Variants in TMEM117 observed in about 807,000 individuals in gnomAD.
The protein encoded by TMEM117 is transmembrane protein 117.
A neutral mutation model predicts 52.4 loss-of-function variants in TMEM117; 27 were observed. The ratio of observed to expected loss-of-function variants is 0.51; its 90% CI spans 0.38 to 0.71. The LOEUF (loss-of-function observed/expected upper bound fraction) is 0.71, where lower values mean the gene tolerates loss of function less well. Among genes scored for constraint, TMEM117 ranks in the 30% least tolerant of loss-of-function variants. The probability of loss-of-function intolerance (pLI) is 0.00; values close to 1 mark genes in which losing one functional copy is unlikely to be tolerated. For synonymous variants in TMEM117, 215 were observed against 206.3 expected, an observed-to-expected ratio of 1.04 and a Z score of -0.36; for missense variants, 556 against 630.5, an observed-to-expected ratio of 0.88 and a Z score of 1.26.
chr12:43,813,231 GTTTTTTTT>G, the TMEM117 span, among the ~76,000 whole-genome samples: 357 of 62,656 alleles, frequency 5.7e-3, 4 homozygotes, highest in African/African-American at 0.019. Context: ...GTTTTCTCTT[GTTTTTTTT>G]TTTTTTTTTT....
At chr12:43,830,189 T>C in the TMEM117 span, among the ~76,000 whole-genome samples, 5 of 151,944 alleles carry the variant, frequency 3.3e-5, no homozygotes, top group African/African-American at 1.2e-4. Flanking sequence ...TGCATTTATA[T>C]AGATTCTGCA....
At chr12:43,946,393 TTG>T (rs563184794) in intron 3 of TMEM117, among the ~76,000 whole-genome samples, 1 of 11,796 alleles carries the variant, frequency 8.5e-5, no homozygotes, top group Non-Finnish European at 3.3e-4. Flanking sequence ...TTTTTTTTTT[TTG>T]TTTGTTTTTT....
intron 2 of TMEM117, among the ~76,000 whole-genome samples, chr12:43,863,077 C>T (rs754920864): frequency 1.6e-4 from 24 of 152,096 alleles, no homozygotes; most frequent in African/African-American, 4.8e-5. Flanking sequence ...GAAACCCTGT[C>T]TCTACTGAAA....
Position 43,995,929 on chromosome 12 carries a change from A to T in TMEM117, c.410+51587A>T, listed in dbSNP as rs184511207. ...CTCATATATTCTCTGGACAACTTTC[A>T]CAATTACTGTAGAAGTCACAAGAAA... On this transcript the variant is annotated intron_variant, in intron 3 of 7. Transcript: ENST00000266534. Among the ~76,000 whole-genome samples, 3 of 152,360 alleles carry T rather than the reference A, an allele frequency of 2.0e-5. No individual in the cohort carries two copies. The East Asian group carries it at 5.8e-4, about 29-fold the overall frequency.
At chr12:44,190,054 T>C (rs1049898253) in intron 4 of TMEM117, among the ~76,000 whole-genome samples, 5 of 152,172 alleles carry the variant, frequency 3.3e-5, no homozygotes, top group Admixed American at 6.5e-5. Context: ...TTGGTCCACA[T>C]GAACTGTGCG....
In TMEM117 at chr12:44,336,327, G is replaced by C. The variant is rs919033656; in HGVS notation, c.768+36588G>C. 4.6e-5 allele frequency among the ~76,000 whole-genome samples: 7 copies of C among 151,924 alleles called. No individual in the cohort carries two copies. In the East Asian group the frequency reaches 5.8e-4, roughly 13 times the overall value. On this transcript the variant is annotated intron_variant, in intron 6 of 7. Coordinates refer to ENST00000266534, the MANE Select transcript of TMEM117 (RefSeq NM_032256.3). ...GTTTTTAAAATAGGAAAATAAAAAA[G>C]AAGTGAATTGATGGTAATGAGTAAA...
intron 3 of TMEM117, among the ~76,000 whole-genome samples, chr12:43,982,695 A>T (rs1478856530): frequency 6.6e-6 from 1 of 152,126 alleles, no homozygotes; most frequent in Admixed American, 6.6e-5. Flanking sequence ...CACAGAACAA[A>T]TTCCTCAGTC....
At chr12:43,850,988 A>G (rs930329635) in intron 2 of TMEM117, among the ~76,000 whole-genome samples, 1 of 152,192 alleles carries the variant, frequency 6.6e-6, no homozygotes, top group African/African-American at 2.4e-5. Context: ...AATGATCAGA[A>G]TCATTTCTTG....
At chr12:44,371,945 T>C (rs1331007083) in intron 6 of TMEM117, among the ~76,000 whole-genome samples, 1 of 152,220 alleles carries the variant, frequency 6.6e-6, no homozygotes, top group Non-Finnish European at 1.5e-5. Flanking sequence ...TATTTTTATA[T>C]GGGAAATACA....
chr12:44,180,415 C>T (rs1196980898), intron 4 of TMEM117, among the ~76,000 whole-genome samples: 2 of 151,106 alleles, frequency 1.3e-5, no homozygotes, highest in African/African-American at 4.9e-5. Flanking sequence ...AGGTTAGTTA[C>T]ATATGTATAC....
intron 2 of TMEM117, among the ~76,000 whole-genome samples, chr12:43,888,094 G>A (rs1362197120): frequency 6.6e-6 from 1 of 152,118 alleles, no homozygotes; most frequent in Non-Finnish European, 1.5e-5. Flanking sequence ...GAAAAACTAA[G>A]TTCAGATGTT....
intron 6 of TMEM117, among the ~76,000 whole-genome samples, chr12:44,340,230 G>A (rs1378818317): frequency 2.6e-5 from 4 of 152,060 alleles, no homozygotes; most frequent in Admixed American, 2.0e-4. Context: ...GAATAAAGAT[G>A]ACGTAAATGA....
At chr12:44,225,617 A>G (rs1223540105) in intron 5 of TMEM117, among the ~76,000 whole-genome samples, 1 of 152,196 alleles carries the variant, frequency 6.6e-6, no homozygotes, top group East Asian at 1.9e-4. Flanking sequence ...ATTTTAGTAT[A>G]TAAACATCTT....
At chr12:43,859,626 G>T (rs569071309) in intron 2 of TMEM117, among the ~76,000 whole-genome samples, 105 of 152,290 alleles carry the variant, frequency 6.9e-4, no homozygotes, top group African/African-American at 2.4e-3. Flanking sequence ...AGGCAGGGAG[G>T]TGTGCCACAG....
chr12:44,047,133 G>T (rs74084622), intron 3 of TMEM117, among the ~76,000 whole-genome samples: 1 of 151,672 alleles, frequency 6.6e-6, no homozygotes, highest in East Asian at 1.9e-4. Context: ...GTGTGTGTGT[G>T]TATATATATA....
intron 3 of TMEM117, among the ~76,000 whole-genome samples, chr12:43,947,103 G>A (rs945291220): frequency 6.6e-5 from 10 of 152,162 alleles, no homozygotes; most frequent in African/African-American, 2.4e-4. Flanking sequence ...GGAGGCTGAG[G>A]CAGCAGGATC....
At chr12:43,968,078 A>G (rs952028211) in intron 3 of TMEM117, among the ~76,000 whole-genome samples, 1 of 152,250 alleles carries the variant, frequency 6.6e-6, no homozygotes, top group Non-Finnish European at 1.5e-5. Context: ...AGCAAATAAT[A>G]AACAGAAGAC....
intron 6 of TMEM117, among the ~76,000 whole-genome samples, chr12:44,355,764 C>A (rs191820990): frequency 1.3e-5 from 2 of 151,756 alleles, no homozygotes; most frequent in East Asian, 3.9e-4. Context: ...ATATATAGCA[C>A]CAGAATAAGC....
rs1003710180 is a variant in TMEM117, at chr12:44,319,514, C to T, written c.768+19775C>T. 4.6e-5 allele frequency among the ~76,000 whole-genome samples: 7 copies of T among 152,240 alleles called. 1 individual carries two copies. Among genetic ancestry groups the T allele is most frequent in the Admixed American group, 3.3e-4 (5 of 15,282 alleles). On this transcript the variant is annotated intron_variant, in intron 6 of 7. Transcript: ENST00000266534. ...ACCTTCTCCTCCCTGGGGTCTGGGACGTCCTTCACTGTCTTAATGGGTTCC... is the reference window on the plus strand; with the variant it reads ...ACCTTCTCCTCCCTGGGGTCTGGGATGTCCTTCACTGTCTTAATGGGTTCC...
Sources: allele counts gnomAD v4.1 joint callset (sites outside exome capture counted in the v4.1 genomes callset), GRCh38; gene constraint gnomAD v4.1.1; transcripts MANE v1.5; gene names NCBI Gene and HGNC (gene_info 2026-07-23, HGNC 2026-07-21).